Variants in SKAP2 observed in about 807,000 individuals in gnomAD.
The protein encoded by SKAP2 is src kinase-associated phosphoprotein 2.
A neutral mutation model predicts 54.9 loss-of-function variants in SKAP2; 28 were observed. The observed-to-expected ratio is 0.51, with a 90% CI of 0.38 to 0.70. The LOEUF is 0.70. SKAP2 is among the 30% of genes least tolerant of loss of function. SKAP2 has a pLI of 0.00. For synonymous variants in SKAP2, 137 were observed against 134.3 expected (o/e 1.02, Z -0.14); for missense variants, 356 against 424.1 (o/e 0.84, Z 1.41).
At chr7:26,719,959 G>A (rs1181732311) in intron 9 of SKAP2, among the ~76,000 whole-genome samples, 4 of 151,976 alleles carry the variant, frequency 2.6e-5, no homozygotes, top group African/African-American at 4.8e-5. Flanking sequence ...CACTATTGAC[G>A]TTTGGGCCAG....
intron 4 of SKAP2, among the ~76,000 whole-genome samples, chr7:26,774,521 GTATA>G (rs879746688): frequency 6.7e-6 from 1 of 148,788 alleles, no homozygotes; most frequent in Non-Finnish European, 1.5e-5. Flanking sequence ...GTGTGTGTAT[GTATA>G]TATATATATA....
At chr7:26,656,768 C>T in the SKAP2 span, among the ~76,000 whole-genome samples, 2 of 152,060 alleles carry the variant, frequency 1.3e-5, no homozygotes, top group African/African-American at 4.8e-5. Context: ...ATATTTCATA[C>T]AAAGAGTTAA....
At chr7:26,856,800 A>G (rs1052142934) in intron 1 of SKAP2, among the ~76,000 whole-genome samples, 3 of 152,254 alleles carry the variant, frequency 2.0e-5, no homozygotes, top group Non-Finnish European at 2.9e-5. Flanking sequence ...TTTTCACTCA[A>G]TGTTTGCCTT....
intron 11 of SKAP2, among the ~76,000 whole-genome samples, chr7:26,673,104 T>G (rs1786277477): frequency 6.6e-6 from 1 of 151,976 alleles, no homozygotes; most frequent in South Asian, 2.1e-4. Flanking sequence ...AAAGGAAAAC[T>G]CTCAAACTTT....
At chr7:26,842,418 A>G (rs1784835327) in intron 4 of SKAP2, among the ~76,000 whole-genome samples, 1 of 151,736 alleles carries the variant, frequency 6.6e-6, no homozygotes, top group African/African-American at 2.4e-5. Flanking sequence ...CTATAATTTA[A>G]TAATAATTTA....
At chr7:26,685,527 G>A (rs956817548) in intron 10 of SKAP2, among the ~76,000 whole-genome samples, 1 of 152,020 alleles carries the variant, frequency 6.6e-6, no homozygotes, top group Non-Finnish European at 1.5e-5. Flanking sequence ...ACCGATTTTT[G>A]TCAGCCCCGG....
chr7:26,683,893 G>A (rs1786569917), intron 11 of SKAP2, among the ~76,000 whole-genome samples: 1 of 152,050 alleles, frequency 6.6e-6, no homozygotes, highest in African/African-American at 2.4e-5. Context: ...CTAGACTTAT[G>A]ATTTAACATT....
chr7:26,725,883 T>C, intron 8 of SKAP2, 40 bp downstream of exon 8: 2 of 1,510,304 alleles, frequency 1.3e-6, no homozygotes, highest in South Asian at 1.1e-5. Flanking sequence ...TTATTTAGTA[T>C]TTAAAGACTG....
At chr7:26,737,189 A>ATT (rs894423794) in intron 6 of SKAP2, among the ~76,000 whole-genome samples, 6 of 152,206 alleles carry the variant, frequency 3.9e-5, no homozygotes, top group African/African-American at 1.4e-4. Context: ...AAAAGAGGAT[A>ATT]TTTTGTGGAA....
downstream of SKAP2, among the ~76,000 whole-genome samples, chr7:26,663,067 G>C (rs780099413): frequency 6.6e-6 from 1 of 152,100 alleles, no homozygotes. Flanking sequence ...TACTTGGGCA[G>C]CTGGAGATCA....
chr7:26,781,753 T>C (rs1452482006), intron 4 of SKAP2, among the ~76,000 whole-genome samples: 1 of 152,158 alleles, frequency 6.6e-6, no homozygotes, highest in Non-Finnish European at 1.5e-5. Flanking sequence ...AGGATTGCCA[T>C]CACTTCTGTC....
intron 9 of SKAP2, among the ~76,000 whole-genome samples, chr7:26,714,926 A>G (rs914539327): frequency 1.3e-5 from 2 of 151,656 alleles, no homozygotes; most frequent in African/African-American, 4.8e-5. Context: ...AAGAATGAAG[A>G]CTCCAGTTTA....
At chr7:26,751,121 A>T (rs1417375308) in intron 4 of SKAP2, among the ~76,000 whole-genome samples, 1 of 152,194 alleles carries the variant, frequency 6.6e-6, no homozygotes, top group Admixed American at 6.5e-5. Context: ...AAATAGGAAT[A>T]TGCAGAGTTA....
intron 4 of SKAP2, among the ~76,000 whole-genome samples, chr7:26,835,962 T>A (rs1784700188): frequency 1.3e-5 from 2 of 151,988 alleles, no homozygotes; most frequent in South Asian, 4.1e-4. Context: ...GTTACAGTAA[T>A]CAAAACAGCA....
intron 9 of SKAP2, among the ~76,000 whole-genome samples, chr7:26,695,457 A>G (rs1231130567): frequency 1.3e-5 from 2 of 152,224 alleles, no homozygotes; most frequent in African/African-American, 4.8e-5. Context: ...GAATTTATGG[A>G]GCTTGAATAA....
At chr7:26,807,211 C>G (rs146985349) in intron 4 of SKAP2, among the ~76,000 whole-genome samples, 1 of 152,130 alleles carries the variant, frequency 6.6e-6, no homozygotes, top group South Asian at 2.1e-4. Context: ...TAAATTTAGG[C>G]GATACAGCAG....
intron 5 of SKAP2, among the ~76,000 whole-genome samples, chr7:26,739,602 C>G (rs1401867667): frequency 6.6e-6 from 1 of 152,230 alleles, no homozygotes; most frequent in African/African-American, 2.4e-5. Context: ...TTTGAGAATA[C>G]AGTCATGGCC....
chr7:26,754,950 T>A lies in SKAP2; in HGVS notation c.308-14986A>T, dbSNP rs553916792. On this transcript the variant is annotated intron_variant, in intron 4 of 12. Transcript: ENST00000345317. ...AGATACACATCCCGCTAAAATTCCATATGAATAAATGGCATAACACAAGTT... is the reference window on the plus strand; with the variant it reads ...AGATACACATCCCGCTAAAATTCCAAATGAATAAATGGCATAACACAAGTT... 1.6e-4 allele frequency among the ~76,000 whole-genome samples: 24 copies of A among 152,324 alleles called. No individual in the cohort carries two copies. In the South Asian group the frequency reaches 3.7e-3, roughly 24 times the overall value.
At chr7:26,825,402 A>G (rs568581780) in intron 4 of SKAP2, among the ~76,000 whole-genome samples, 108 of 152,284 alleles carry the variant, frequency 7.1e-4, no homozygotes, top group African/African-American at 2.6e-3. Context: ...TCTATCCAAG[A>G]CAAATTAAAT....
Sources: gnomAD v4.1 joint callset for allele counts (sites outside exome capture counted in the v4.1 genomes callset) on GRCh38, gnomAD v4.1.1 for gene constraint, MANE v1.5 for transcripts, NCBI Gene and HGNC (gene_info 2026-07-23, HGNC 2026-07-21) for gene names.